SULT4A1: variants seen among roughly 807,000 people sequenced by gnomAD.
The protein encoded by SULT4A1 is sulfotransferase family 4A member 1.
Under a neutral mutation model 35.2 loss-of-function variants are expected in SULT4A1, and 11 were observed. That is an observed-to-expected ratio of 0.31 (90% CI 0.20 to 0.52). The LOEUF (loss-of-function observed/expected upper bound fraction) is 0.52, where lower values mean the gene tolerates loss of function less well. Among genes scored for constraint, SULT4A1 ranks in the 20% least tolerant of loss-of-function variants. The pLI is 0.97. For synonymous variants in SULT4A1, 152 were observed against 151.8 expected (o/e 1.00, Z -0.01); for missense variants, 271 against 383.7 (o/e 0.71, Z 2.45).
rs2063279600 is a variant in SULT4A1 at position 43,825,369 on chromosome 22, G to A, written c.*632C>T. On this transcript the variant is annotated 3_prime_UTR_variant, in exon 7 of 7. Transcript: ENST00000330884. ...GCCCGCTGGAAGTCTCTGGCAGAAG[G>A]ACGTCCATTCTGAAGACCTAGTGAA... 6.6e-6 allele frequency: 1 copy of A among 152,218 alleles called. No homozygotes were observed. The highest frequency in any genetic ancestry group is 2.4e-5 in the African/African-American group (1 of 41,434). 9.4% of individuals were successfully genotyped at this position (152,218 alleles called of 1,614,324 possible). A position where few individuals can be genotyped will look rare whatever the true frequency, so the allele number is the denominator to read the frequency against.
At position 43,839,940 on chromosome 22, in the gene SULT4A1, C is replaced by T. The variant is rs1485131812; in HGVS notation, c.381+5G>A. The T allele has an allele frequency of 6.2e-6, 10 of 1,604,328 alleles. No individual in the cohort carries two copies. Among genetic ancestry groups the T allele is most frequent in the African/African-American group, 1.3e-5 (1 of 74,858 alleles). On this transcript the variant is annotated splice_donor_5th_base_variant and intron_variant, in intron 3 of 6. Coordinates refer to ENST00000330884, the MANE Select transcript of SULT4A1 (RefSeq NM_014351.4). ...TCTCGGGAGGCAGAGGAGGTGCCAG[C>T]TTACCTTGGAGTCTCCATTGTGGAG...
In SULT4A1 at chr22:43,862,457, G is replaced by T; in HGVS notation, c.-75C>A. 1 of 747,096 alleles carries T rather than the reference G, an allele frequency of 1.3e-6. No homozygotes were observed. The highest frequency in any genetic ancestry group is 1.9e-5 in the African/African-American group (1 of 52,878). 46.3% of individuals were successfully genotyped at this position (747,096 alleles called of 1,614,324 possible). A position where few individuals can be genotyped will look rare whatever the true frequency, so the allele number is the denominator to read the frequency against. ...CGCGCCCGCGCCCGCGCCCGCGCCC[G>T]CGCCCCGCACACGCTCGCGCCCCAC... On this transcript the variant is annotated 5_prime_UTR_variant, in exon 1 of 7. Coordinates refer to ENST00000330884, the MANE Select transcript of SULT4A1 (RefSeq NM_014351.4).
At chr22:43,858,336 A>G (rs768227416) in intron 1 of SULT4A1, among the ~76,000 whole-genome samples, 1 of 152,176 alleles carries the variant, frequency 6.6e-6, no homozygotes, top group Non-Finnish European at 1.5e-5. Context: ...TCCAGAAGTC[A>G]TTCTGCAGGC....
In SULT4A1 at chr22:43,840,040, A is replaced by G. The variant is rs761383936; in HGVS notation, c.301-15T>C. 3 of 1,513,818 alleles carry G rather than the reference A, an allele frequency of 2.0e-6. No homozygotes were observed. Among genetic ancestry groups the G allele is most frequent in the South Asian group, 1.2e-5 (1 of 86,914 alleles). 93.8% of individuals were successfully genotyped at this position (1,513,818 alleles called of 1,614,324 possible). A position where few individuals can be genotyped will look rare whatever the true frequency, so the allele number is the denominator to read the frequency against. On this transcript the variant is annotated splice_polypyrimidine_tract_variant and intron_variant, in intron 2 of 6. Coordinates refer to ENST00000330884, the MANE Select transcript of SULT4A1 (RefSeq NM_014351.4). ...GAGGTCAGTTCCTGCGTGGAGTCAG[A>G]GGGAGAGGCAGGTCAGAGGAAAGGG... is the stretch of plus-strand genomic sequence containing the variant.
chr22:43,839,826 T>A, intron 3 of SULT4A1, 119 bp downstream of exon 3: 1 of 943,960 alleles, frequency 1.1e-6, no homozygotes, highest in East Asian at 2.6e-5. Context: ...TGTGGGCTCC[T>A]TGGGAAGACA....
intron 2 of SULT4A1, among the ~76,000 whole-genome samples, chr22:43,840,920 G>T (rs1277275576): frequency 6.6e-6 from 1 of 152,124 alleles, no homozygotes; most frequent in East Asian, 1.9e-4. Context: ...TTCAGGACCT[G>T]CCTCAGACAT....
rs1286482594 is a variant in SULT4A1 at position 43,825,115 on chromosome 22, C to T, written c.*886G>A. 1 of 152,226 alleles carries T rather than the reference C, an allele frequency of 6.6e-6. No individual in the cohort carries two copies. Among genetic ancestry groups the T allele is most frequent in the South Asian group, 2.1e-4 (1 of 4,830 alleles). 9.4% of individuals were successfully genotyped at this position (152,226 alleles called of 1,614,324 possible). A position where few individuals can be genotyped will look rare whatever the true frequency, so the allele number is the denominator to read the frequency against. On this transcript the variant is annotated 3_prime_UTR_variant, in exon 7 of 7. Coordinates refer to ENST00000330884, the MANE Select transcript of SULT4A1 (RefSeq NM_014351.4). The stretch of plus-strand genomic sequence containing the variant: ...AAGACCCGGGGATTTTAGAAATTTA[C>T]TATTAAGCATCTGCTTGCCAGCATT...
intron 2 of SULT4A1, among the ~76,000 whole-genome samples, chr22:43,840,738 C>A (rs2063420172): frequency 6.6e-6 from 1 of 152,216 alleles, no homozygotes; most frequent in South Asian, 2.1e-4. Context: ...CAGCACCGTG[C>A]TCTCTGCTCA....
intron 6 of SULT4A1, chr22:43,827,347 A>T: frequency 1.0e-6 from 1 of 985,464 alleles, no homozygotes; most frequent in Non-Finnish European, 1.2e-6. Flanking sequence ...TCTCTTTGGT[A>T]ACAAAAAATT....
intron 1 of SULT4A1, among the ~76,000 whole-genome samples, chr22:43,855,661 C>T (rs1369714017): frequency 6.6e-6 from 1 of 152,212 alleles, no homozygotes; most frequent in Non-Finnish European, 1.5e-5. Context: ...CTAACCATAA[C>T]ACAGTCACAC....
rs1215308575 is a variant in SULT4A1, at chr22:43,825,286, A to T, written c.*715T>A. The T allele has an allele frequency of 2.0e-5, 3 of 152,268 alleles. No individual in the cohort carries two copies. Among genetic ancestry groups the T allele is most frequent in the Non-Finnish European group, 4.4e-5 (3 of 68,064 alleles). 9.4% of individuals were successfully genotyped at this position (152,268 alleles called of 1,614,324 possible). On this transcript the variant is annotated 3_prime_UTR_variant, in exon 7 of 7. Coordinates refer to ENST00000330884, the MANE Select transcript of SULT4A1 (RefSeq NM_014351.4). Reference sequence around the variant, plus strand: ...TAGACTCCCACCTGCCAGCCTCACCAGGCAGACTTCCCTCAGCACATGCTC... The same window carrying T: ...TAGACTCCCACCTGCCAGCCTCACCTGGCAGACTTCCCTCAGCACATGCTC...
intron 2 of SULT4A1, among the ~76,000 whole-genome samples, chr22:43,840,403 C>T (rs762161203): frequency 7.9e-5 from 12 of 152,112 alleles, no homozygotes; most frequent in Non-Finnish European, 1.6e-4. Flanking sequence ...CCAGCCAGGA[C>T]AGCCTCCCTT....
At chr22:43,829,964 T>C (rs1211623523) in intron 5 of SULT4A1, among the ~76,000 whole-genome samples, 1 of 152,240 alleles carries the variant, frequency 6.6e-6, no homozygotes, top group East Asian at 1.9e-4. Flanking sequence ...TTAATTTCTT[T>C]ATTGCAGCAC....
At chr22:43,836,529 C>G (rs145714169) in intron 4 of SULT4A1, among the ~76,000 whole-genome samples, 3,206 of 90,510 alleles carry the variant, frequency 0.035, 123 homozygotes, top group African/African-American at 0.053. Flanking sequence ...ACAGCGTCCT[C>G]ACACTGCAGG....
intron 5 of SULT4A1, among the ~76,000 whole-genome samples, chr22:43,832,068 C>T (rs566728266): frequency 8.3e-4 from 127 of 152,344 alleles, no homozygotes; most frequent in African/African-American, 3.0e-3. Context: ...AGCCAGCATC[C>T]AGAGCCCACG....
At chr22:43,861,433 T>C (rs900852066) in intron 1 of SULT4A1, among the ~76,000 whole-genome samples, 1 of 152,170 alleles carries the variant, frequency 6.6e-6, no homozygotes, top group Non-Finnish European at 1.5e-5. Flanking sequence ...TACAATCTCC[T>C]ACCTCAGGTC....
At chr22:43,839,843 A>G (rs1470667507) in intron 3 of SULT4A1, 102 bp downstream of exon 3, 1 of 1,134,068 alleles carries the variant, frequency 8.8e-7, no homozygotes, top group African/African-American at 1.5e-5. Flanking sequence ...GACAGCCCCC[A>G]AGGCCAGGTA....
intron 1 of SULT4A1, among the ~76,000 whole-genome samples, chr22:43,856,460 G>C (rs1395425668): frequency 6.6e-6 from 1 of 152,186 alleles, no homozygotes; most frequent in Non-Finnish European, 1.5e-5. Context: ...CAATGAAAAA[G>C]CCCTACCCAG....
Position 43,825,977 on chromosome 22 carries a change from G to A in SULT4A1, c.*24C>T, listed in dbSNP as rs781619306. The A allele has an allele frequency of 6.2e-7, 1 of 1,604,720 alleles. No individual in the cohort carries two copies. The highest frequency in any genetic ancestry group is 1.1e-5 in the South Asian group (1 of 90,612). On this transcript the variant is annotated 3_prime_UTR_variant, in exon 7 of 7. Transcript: ENST00000330884. ...CTAGTAGACTGTCTGGGTATTGTGA[G>A]CATGCAGGTTGTTGTTTCTGTTATT...
Sources: allele counts gnomAD v4.1 joint callset (sites outside exome capture counted in the v4.1 genomes callset), GRCh38; gene constraint gnomAD v4.1.1; transcripts MANE v1.5; gene names NCBI Gene and HGNC (gene_info 2026-07-23, HGNC 2026-07-21).